Variants in PPP2R3C observed in about 807,000 individuals in gnomAD.
The protein encoded by PPP2R3C is protein phosphatase 2 regulatory subunit B''gamma, also known as serine/threonine-protein phosphatase 2A regulatory subunit B'' subunit gamma.
A neutral mutation model predicts 63.7 loss-of-function variants in PPP2R3C; 47 were observed. The observed-to-expected ratio is 0.74, with a 90% CI of 0.58 to 0.94. PPP2R3C has a LOEUF of 0.94. PPP2R3C is among the 40% of genes least tolerant of loss of function. The pLI, the probability that PPP2R3C is intolerant of heterozygous loss-of-function variation, is 0.00. For missense variants in PPP2R3C, 421 were observed against 518.4 expected (o/e 0.81, Z 1.82); for synonymous variants, 180 against 177.4 (o/e 1.01, Z -0.12).
At chr14:35,118,236 G>A (rs1256785229) in intron 1 of PPP2R3C, among the ~76,000 whole-genome samples, 1 of 152,162 alleles carries the variant, frequency 6.6e-6, no homozygotes, top group Non-Finnish European at 1.5e-5. Context: ...ATGAGGAATG[G>A]CTAGAGGTGG....
At chr14:35,114,821 G>C (rs556222977) in intron 2 of PPP2R3C, among the ~76,000 whole-genome samples, 2 of 151,974 alleles carry the variant, frequency 1.3e-5, no homozygotes, top group South Asian at 4.1e-4. Flanking sequence ...GGTGAAACCC[G>C]GTCTCTACTA....
chr14:35,120,055 G>A (rs1452077506), intron 1 of PPP2R3C, among the ~76,000 whole-genome samples: 1 of 150,810 alleles, frequency 6.6e-6, no homozygotes, highest in African/African-American at 2.4e-5. Flanking sequence ...GTTTCACTGC[G>A]GTCTCAGTCT....
chr14:35,102,702 G>T (rs1327065828), intron 6 of PPP2R3C: 1 of 151,984 alleles, frequency 6.6e-6, no homozygotes, highest in African/African-American at 2.4e-5. Context: ...CCTAGTTATG[G>T]GCCCATCATC....
intron 12 of PPP2R3C, chr14:35,086,041 G>T: frequency 2.7e-6 from 1 of 374,004 alleles, no homozygotes; most frequent in Non-Finnish European, 4.8e-6. Flanking sequence ...TATAGATGAA[G>T]AAACCAAGGC....
At chr14:35,095,579 C>T (rs570426203) in intron 9 of PPP2R3C, among the ~76,000 whole-genome samples, 4 of 151,826 alleles carry the variant, frequency 2.6e-5, no homozygotes, top group African/African-American at 9.7e-5. Flanking sequence ...GTGGCTCACG[C>T]CGGTAATCCC....
At chr14:35,118,900 C>CTT (rs2046781175) in intron 1 of PPP2R3C, among the ~76,000 whole-genome samples, 1 of 151,996 alleles carries the variant, frequency 6.6e-6, no homozygotes, top group Non-Finnish European at 1.5e-5. Flanking sequence ...GATCCACCCA[C>CTT]TTCAGCCTCC....
chr14:35,099,106 A>T, intron 7 of PPP2R3C, 146 bp downstream of exon 7: 1 of 1,085,314 alleles, frequency 9.2e-7, no homozygotes, highest in Non-Finnish European at 1.3e-6. Flanking sequence ...TGTTTTTTCT[A>T]CCTTTTTATC....
intron 6 of PPP2R3C, chr14:35,102,576 C>T (rs1385974697): frequency 6.6e-6 from 1 of 152,272 alleles, no homozygotes; most frequent in African/African-American, 2.4e-5. Context: ...TGCCTTCACA[C>T]TCCTTACCCT....
intron 1 of PPP2R3C, 82 bp downstream of exon 1, chr14:35,121,820 T>A: frequency 6.8e-7 from 1 of 1,470,654 alleles, no homozygotes; most frequent in Non-Finnish European, 9.4e-7. Flanking sequence ...CGGCTCCCCC[T>A]TGCTCCTCCT....
chr14:35,116,532 G>A, intron 2 of PPP2R3C, 78 bp downstream of exon 2: 1 of 1,221,006 alleles, frequency 8.2e-7, no homozygotes, highest in Non-Finnish European at 1.1e-6. Context: ...TGGGATTACA[G>A]GTATGAGCCA....
rs528666131 is a variant in PPP2R3C at position 35,091,935 on chromosome 14, G to A, written c.976-728C>T. The stretch of plus-strand genomic sequence containing the variant: ...AGGATTTTCCATGTTACCCAAGCTG[G>A]TCTCAAACTCCTGACCTCAAGTGAC... On this transcript the variant is annotated intron_variant, in intron 10 of 12. Transcript: ENST00000261475. Among the ~76,000 whole-genome samples the A allele has an allele frequency of 2.6e-5, 4 of 151,818 alleles. No individual in the cohort carries two copies. The South Asian group carries it at 8.3e-4, about 32-fold the overall frequency.
chr14:35,120,642 G>C (rs75040837), intron 1 of PPP2R3C, among the ~76,000 whole-genome samples: 10,722 of 152,170 alleles, frequency 0.07, 507 homozygotes, highest in Non-Finnish European at 0.11. Flanking sequence ...TAGGAGATGA[G>C]AAGAATAGTG....
At chr14:35,101,306 G>C (rs1433909855) in intron 6 of PPP2R3C, 1 of 152,130 alleles carries the variant, frequency 6.6e-6, no homozygotes, top group East Asian at 1.9e-4. Flanking sequence ...ATAAATCTTT[G>C]CAAAGCTAGG....
At chr14:35,092,966 T>C (rs1002954801) in intron 10 of PPP2R3C, among the ~76,000 whole-genome samples, 22 of 152,224 alleles carry the variant, frequency 1.4e-4, no homozygotes, top group Non-Finnish European at 2.8e-4. Flanking sequence ...GGATACGCAC[T>C]TCGGGGGGCC....
In PPP2R3C at chr14:35,111,926, C is replaced by CCT. The variant is rs370386182; in HGVS notation, c.187-1299_187-1298dup. ...GGCTGATTTGAGTAATAATAAAACT[C>CCT]CTGTCTCCCATTTAGCTGTCTCCAT... On this transcript the variant is annotated intron_variant, in intron 2 of 12. Transcript: ENST00000261475. 4.3e-3 allele frequency among the ~76,000 whole-genome samples: 653 copies of CCT among 152,340 alleles called. 2 individuals carry two copies. Among genetic ancestry groups the CCT allele is most frequent in the African/African-American group, 0.015 (605 of 41,578 alleles).
rs2138681375 is a variant in PPP2R3C, at chr14:35,107,314, AG to A, written c.562del (p.Leu188PhefsTer6). 1 of 1,602,492 alleles carries A rather than the reference AG, an allele frequency of 6.2e-7. No individual in the cohort carries two copies. Among genetic ancestry groups the A allele is most frequent in the Non-Finnish European group, 8.6e-7 (1 of 1,169,426 alleles). ...AAGGTTAACACTTACAGATTCCCGA[AG>A]GTACCCCTGCCCAGCGACATCATAT... ...SLYDVAGQGY[L>X]RESDLENYIL... On this transcript the variant is annotated frameshift_variant, in exon 6 of 13. Coordinates refer to ENST00000261475, the MANE Select transcript of PPP2R3C (RefSeq NM_017917.4). LOFTEE classifies it high-confidence loss of function.
chr14:35,104,526 A>T (rs2046289408), intron 6 of PPP2R3C, among the ~76,000 whole-genome samples: 1 of 152,104 alleles, frequency 6.6e-6, no homozygotes, highest in African/African-American at 2.4e-5. Context: ...TATATTTGGG[A>T]AAAAAGCCTG....
In PPP2R3C at chr14:35,095,180, C is replaced by T. The variant is rs2138628942; in HGVS notation, c.843G>A (p.Gln281=). The change falls in exon 10 of 13, where the codon CAG becomes CAA. Residue 281 remains glutamine, a synonymous_variant. Coordinates refer to ENST00000261475, the MANE Select transcript of PPP2R3C (RefSeq NM_017917.4). ...SAPSALRVYG[Q]YLNLDKDHNG... ...TGTGATCTTTATCAAGATTCAAGTA[C>T]TGGCCTTGGGAAGAAAAATAATAAA... 1 of 1,613,110 alleles carries T rather than the reference C, an allele frequency of 6.2e-7. No homozygotes were observed. Among genetic ancestry groups the T allele is most frequent in the Non-Finnish European group, 8.5e-7 (1 of 1,179,470 alleles).
At chr14:35,115,562 G>A (rs1171586894) in intron 2 of PPP2R3C, among the ~76,000 whole-genome samples, 3 of 151,784 alleles carry the variant, frequency 2.0e-5, no homozygotes, top group African/African-American at 4.8e-5. Context: ...TTGTCTATAC[G>A]TCCCTTCATA....
Sources: allele counts gnomAD v4.1 joint callset (sites outside exome capture counted in the v4.1 genomes callset), GRCh38; gene constraint gnomAD v4.1.1; transcripts MANE v1.5; gene names NCBI Gene and HGNC (gene_info 2026-07-23, HGNC 2026-07-21).